SBF2: variants seen among roughly 807,000 people sequenced by gnomAD.
SBF2 encodes SET binding factor 2, also known as myotubularin-related protein 13.
Under a neutral mutation model 225.2 loss-of-function variants are expected in SBF2, and 112 were observed. That is an observed-to-expected ratio of 0.50 (90% CI 0.43 to 0.58). The LOEUF (loss-of-function observed/expected upper bound fraction) is 0.58. SBF2 is among the 20% of genes least tolerant of loss of function. SBF2 has a pLI of 0.00. For synonymous variants in SBF2, 763 were observed against 773.3 expected (o/e 0.99, Z 0.22); for missense variants, 1,996 against 2,206.2 (o/e 0.90, Z 1.91).
intron 16 of SBF2, among the ~76,000 whole-genome samples, chr11:9,902,172 A>G (rs1861772772): frequency 2.0e-5 from 3 of 152,190 alleles, no homozygotes; most frequent in Admixed American, 2.0e-4. Context: ...ATTAGCTGGG[A>G]GTCTGACACT....
intron 2 of SBF2, among the ~76,000 whole-genome samples, chr11:10,173,870 C>G (rs1182536521): frequency 8.6e-5 from 13 of 151,556 alleles, no homozygotes; most frequent in African/African-American, 3.2e-4. Context: ...CCCGAGCAGC[C>G]TAACTGGGAG....
chr11:10,242,383 G>GA (rs994355867), intron 1 of SBF2, among the ~76,000 whole-genome samples: 1 of 150,204 alleles, frequency 6.7e-6, no homozygotes, highest in African/African-American at 2.4e-5. Flanking sequence ...AAGATAAAAA[G>GA]AAAAAAAAGT....
intron 16 of SBF2, among the ~76,000 whole-genome samples, chr11:9,927,443 C>T (rs975619239): frequency 5.3e-5 from 8 of 152,078 alleles, no homozygotes; most frequent in Admixed American, 3.3e-4. Flanking sequence ...AAATCAAATC[C>T]GACAAGTTAA....
chr11:9,949,276 A>G (rs1015584360), intron 16 of SBF2, among the ~76,000 whole-genome samples: 8 of 152,074 alleles, frequency 5.3e-5, no homozygotes, highest in African/African-American at 1.7e-4. Flanking sequence ...GTTCTCATAC[A>G]TTTTCTAGGT....
At chr11:10,260,008 T>G (rs1961273628) in intron 1 of SBF2, among the ~76,000 whole-genome samples, 1 of 152,174 alleles carries the variant, frequency 6.6e-6, no homozygotes, top group Non-Finnish European at 1.5e-5. Context: ...ATTCGAATAG[T>G]TATTTGCTTA....
intron 2 of SBF2, among the ~76,000 whole-genome samples, chr11:10,130,295 G>A (rs1591024891): frequency 6.6e-6 from 1 of 150,868 alleles, no homozygotes; most frequent in Admixed American, 6.6e-5. Context: ...GCAGGAGGCG[G>A]AGGTTGCAGT....
intron 2 of SBF2, among the ~76,000 whole-genome samples, chr11:10,111,696 C>T (rs2135014091): frequency 6.6e-6 from 1 of 152,132 alleles, no homozygotes; most frequent in South Asian, 2.1e-4. Flanking sequence ...GCCAACATGG[C>T]AAAACCGCAT....
intron 14 of SBF2, among the ~76,000 whole-genome samples, chr11:9,964,700 T>C (rs1003868098): frequency 2.0e-5 from 3 of 152,194 alleles, no homozygotes; most frequent in Non-Finnish European, 4.4e-5. Context: ...CCTTTTACCA[T>C]AGGGTTAGAA....
At chr11:9,858,450 C>T in intron 17 of SBF2, 54 bp from the exon 18 acceptor site, 1 of 1,556,082 alleles carries the variant, frequency 6.4e-7, no homozygotes, top group Non-Finnish European at 8.9e-7. Flanking sequence ...TATAACAGTT[C>T]ATAAGGTCAC....
intron 16 of SBF2, among the ~76,000 whole-genome samples, chr11:9,908,073 A>G (rs889918219): frequency 3.9e-5 from 6 of 152,258 alleles, no homozygotes; most frequent in African/African-American, 1.2e-4. Context: ...CTGTGGAAAC[A>G]TAATTCATGA....
At chr11:10,126,205 A>G (rs1260963962) in intron 2 of SBF2, among the ~76,000 whole-genome samples, 2 of 152,082 alleles carry the variant, frequency 1.3e-5, no homozygotes, top group Non-Finnish European at 2.9e-5. Context: ...ATGTTTTATC[A>G]TTTTTGGTAC....
intron 6 of SBF2, among the ~76,000 whole-genome samples, chr11:10,005,301 T>A (rs1270655049): frequency 6.6e-6 from 1 of 152,084 alleles, no homozygotes; most frequent in African/African-American, 2.4e-5. Context: ...TGCGTACAAT[T>A]CCAGTAAACA....
chr11:10,250,411 T>C (rs1038729350), intron 1 of SBF2, among the ~76,000 whole-genome samples: 20 of 152,164 alleles, frequency 1.3e-4, no homozygotes, highest in African/African-American at 4.6e-4. Flanking sequence ...AAGGCTCTTG[T>C]TATTAAAGGG....
At chr11:9,892,725 A>C (rs1860935840) in intron 17 of SBF2, among the ~76,000 whole-genome samples, 1 of 151,866 alleles carries the variant, frequency 6.6e-6, no homozygotes. Flanking sequence ...ACGCCCGGCT[A>C]ATTTCGTATT....
chr11:10,121,519 T>C (rs1394151111), intron 2 of SBF2, among the ~76,000 whole-genome samples: 1 of 152,218 alleles, frequency 6.6e-6, no homozygotes, highest in Non-Finnish European at 1.5e-5. Context: ...GATAAAGCCT[T>C]AAGACTTAGC....
At chr11:9,937,000 A>G (rs1864945682) in intron 16 of SBF2, among the ~76,000 whole-genome samples, 1 of 152,172 alleles carries the variant, frequency 6.6e-6, no homozygotes, top group African/African-American at 2.4e-5. Flanking sequence ...TCCCAACACC[A>G]ACACATCAGG....
At chr11:10,134,854 C>A (rs1370213634) in intron 2 of SBF2, among the ~76,000 whole-genome samples, 1 of 152,172 alleles carries the variant, frequency 6.6e-6, no homozygotes, top group Non-Finnish European at 1.5e-5. Flanking sequence ...TGCAAGCTGT[C>A]GGTGGATCTA....
chr11:10,235,511 G>A (rs1378403823), intron 1 of SBF2, among the ~76,000 whole-genome samples: 2 of 140,788 alleles, frequency 1.4e-5, no homozygotes, highest in African/African-American at 5.3e-5. Flanking sequence ...TGGGCAACAA[G>A]AGCAAGACTC....
intron 16 of SBF2, among the ~76,000 whole-genome samples, chr11:9,952,189 T>C (rs891898945): frequency 6.6e-6 from 1 of 152,158 alleles, no homozygotes; most frequent in Non-Finnish European, 1.5e-5. Flanking sequence ...AGAATTTCCC[T>C]CAACCAGACC....
Sources: gnomAD v4.1 joint callset for allele counts (sites outside exome capture counted in the v4.1 genomes callset) on GRCh38, gnomAD v4.1.1 for gene constraint, MANE v1.5 for transcripts, NCBI Gene and HGNC (gene_info 2026-07-23, HGNC 2026-07-21) for gene names.